BPIFC: variants seen among roughly 807,000 people sequenced by gnomAD.
BPIFC encodes BPI fold containing family C, also known as BPI fold-containing family C protein.
In BPIFC, 60 loss-of-function variants were observed where a neutral mutation model predicts 57.6. That is an observed-to-expected ratio of 1.04 (90% CI 0.85 to 1.29). BPIFC has a LOEUF of 1.29. BPIFC is among the 50% of genes most tolerant of loss of function. BPIFC has a pLI of 0.00. For synonymous variants in BPIFC, 243 were observed against 224.5 expected, an observed-to-expected ratio of 1.08 and a Z score of -0.74; for missense variants, 581 against 600.5, an observed-to-expected ratio of 0.97 and a Z score of 0.34.
Position 32,452,663 on chromosome 22 carries a change from A to G in BPIFC, c.245+720T>C, listed in dbSNP as rs114560145. On this transcript the variant is annotated intron_variant, in intron 4 of 16. Transcript: ENST00000300399. ...AAAAAAAAAAAAAACACAAAAAACA[A>G]AAAACCTCTTGGTTTTATAGAATAT... 2.9e-3 allele frequency among the ~76,000 whole-genome samples: 437 copies of G among 152,150 alleles called. 3 individuals are homozygous for G. Among genetic ancestry groups the G allele is most frequent in the African/African-American group, 0.01 (417 of 41,520 alleles).
At chr22:32,441,492 G>A (rs897764876) in intron 8 of BPIFC, among the ~76,000 whole-genome samples, 1 of 152,248 alleles carries the variant, frequency 6.6e-6, no homozygotes. Flanking sequence ...GGTGCTCAGC[G>A]CGCCATTGGT....
intron 7 of BPIFC, among the ~76,000 whole-genome samples, chr22:32,444,947 A>G (rs1364485117): frequency 6.6e-6 from 1 of 152,176 alleles, no homozygotes; most frequent in East Asian, 1.9e-4. Flanking sequence ...TGAATACACA[A>G]GTGTATCCCT....
At chr22:32,436,143 A>C (rs576228781) in intron 9 of BPIFC, among the ~76,000 whole-genome samples, 1 of 151,834 alleles carries the variant, frequency 6.6e-6, no homozygotes, top group South Asian at 2.1e-4. Context: ...AAAATACAAA[A>C]ATTAGCCAGG....
In BPIFC at chr22:32,461,628, C is replaced by T; in HGVS notation, c.-55G>A. 1.0e-6 allele frequency: 1 copy of T among 985,538 alleles called. No individual in the cohort carries two copies. The highest frequency in any genetic ancestry group is 1.2e-6 in the Non-Finnish European group (1 of 830,062). The allele number at this position is 985,538 out of a possible 1,614,324, so 61.0% of individuals were successfully genotyped here. A position where few individuals can be genotyped will look rare whatever the true frequency, so the allele number is the denominator to read the frequency against. On this transcript the variant is annotated 5_prime_UTR_variant, in exon 2 of 17. Transcript: ENST00000300399. ...TCTGCTGTGCTGGGCCTTTCTTGAT[C>T]CTTTAGTTGCCCTTGGAGGTTAGTC... is the stretch of plus-strand genomic sequence containing the variant.
rs189017258 is a variant in BPIFC at position 32,419,038 on chromosome 22, A to G, written c.1260+324T>C. Among the ~76,000 whole-genome samples the G allele has an allele frequency of 4.1e-3, 626 of 152,318 alleles. 4 individuals carry two copies. Among genetic ancestry groups the G allele is most frequent in the African/African-American group, 0.015 (603 of 41,562 alleles). On this transcript the variant is annotated intron_variant, in intron 14 of 16. Coordinates refer to ENST00000300399, the MANE Select transcript of BPIFC (RefSeq NM_174932.3). ...ATATGTAACTCTATATGTCTCGTCT[A>G]TAACTCTAGAGGATTATTTTATTGA...
intron 13 of BPIFC, among the ~76,000 whole-genome samples, chr22:32,426,477 C>G (rs962691008): frequency 6.6e-6 from 1 of 152,164 alleles, no homozygotes; most frequent in Non-Finnish European, 1.5e-5. Context: ...GAGGCCCAGC[C>G]CACCTGCCTT....
chr22:32,454,588 T>A (rs142571526), intron 3 of BPIFC, among the ~76,000 whole-genome samples: 86 of 152,338 alleles, frequency 5.6e-4, no homozygotes, highest in Non-Finnish European at 8.8e-4. Flanking sequence ...GAACATTTAC[T>A]TTCACCCTTT....
chr22:32,447,226 G>A lies in BPIFC; in HGVS notation c.360C>T (p.Phe120=), dbSNP rs761853028. The A allele has an allele frequency of 1.7e-5, 28 of 1,604,904 alleles. No individual in the cohort carries two copies. Among genetic ancestry groups the A allele is most frequent in the Admixed American group, 5.1e-5 (3 of 58,338 alleles). ...GTANISTDWG[F]ESPLFQDTGG... ...GGAATACTCACAAAAGTGGAGACTC[G>A]AACCCCCAGTCTGTGCTGATGTTGG... The change falls in exon 5 of 17, where the codon TTC becomes TTT. Residue 120 remains phenylalanine (F), a synonymous_variant. Coordinates refer to ENST00000300399, the MANE Select transcript of BPIFC (RefSeq NM_174932.3).
intron 8 of BPIFC, among the ~76,000 whole-genome samples, chr22:32,438,817 CT>C (rs548028434): frequency 0.01 from 1,467 of 146,632 alleles, 27 homozygotes; most frequent in African/African-American, 0.032. Flanking sequence ...GCAGTTAGAA[CT>C]TTTTTTTTTT....
intron 16 of BPIFC, among the ~76,000 whole-genome samples, chr22:32,415,662 A>G (rs568910325): frequency 6.5e-4 from 99 of 152,324 alleles, no homozygotes; most frequent in Admixed American, 1.1e-3. Context: ...AAAGCGTGCT[A>G]AGGGGCATCT....
chr22:32,444,618 T>A (rs747404179), intron 7 of BPIFC, among the ~76,000 whole-genome samples: 5 of 152,234 alleles, frequency 3.3e-5, no homozygotes, highest in Non-Finnish European at 5.9e-5. Context: ...CTTCAGACAC[T>A]GACTTCTGAG....
Position 32,453,458 on chromosome 22 carries a change from T to G in BPIFC, c.170A>C (p.Lys57Thr). The change falls in exon 4 of 17, where the codon AAG becomes ACG. Residue 57 changes from lysine to threonine, a missense_variant. Transcript: ENST00000300399. Reference sequence around the variant, plus strand: ...AGAACCGCTTAAATCTGGGAGTTTCTTTTCTTTTAGCATTTGCTCAATCAT... The same window carrying G: ...AGAACCGCTTAAATCTGGGAGTTTCGTTTCTTTTAGCATTTGCTCAATCAT... ...MKMIEQMLKE[K>T]KLPDLSGSES... is the part of the protein sequence containing the mutation. The G allele has an allele frequency of 6.2e-7, 1 of 1,606,754 alleles. No homozygotes were observed. Among genetic ancestry groups the G allele is most frequent in the Non-Finnish European group, 8.5e-7 (1 of 1,178,320 alleles).
At chr22:32,451,717 T>G (rs1934900711) in intron 4 of BPIFC, among the ~76,000 whole-genome samples, 1 of 151,898 alleles carries the variant, frequency 6.6e-6, no homozygotes, top group South Asian at 2.1e-4. Context: ...ATAAATAAAT[T>G]TTTAAAAAAA....
rs1933908386 is a variant in BPIFC, at chr22:32,423,577, G to GT, written c.1218-4174_1218-4173insA. Among the ~76,000 whole-genome samples the GT allele has an allele frequency of 1.8e-3, 252 of 143,256 alleles. 1 individual carries two copies. The highest frequency in any genetic ancestry group is 0.011 in the Middle Eastern group (3 of 284). The allele number at this position is 143,256 out of a possible 152,430, so 94.0% of individuals were successfully genotyped here. A position where few individuals can be genotyped will look rare whatever the true frequency, so the allele number is the denominator to read the frequency against. ...TGCTTGGGAGGAGTTGTAGGGTGTG[G>GT]GTGTGTGTGTGTGTGTGTGTGTGTG... On this transcript the variant is annotated intron_variant, in intron 13 of 16. Transcript: ENST00000300399.
At chr22:32,450,933 T>A (rs1260434823) in intron 4 of BPIFC, among the ~76,000 whole-genome samples, 1 of 152,202 alleles carries the variant, frequency 6.6e-6, no homozygotes, top group Non-Finnish European at 1.5e-5. Flanking sequence ...AAAGTAAACT[T>A]ACAAAATTGT....
At chr22:32,445,319 C>G (rs765970599) in intron 7 of BPIFC, among the ~76,000 whole-genome samples, 9 of 152,110 alleles carry the variant, frequency 5.9e-5, no homozygotes, top group African/African-American at 2.2e-4. Flanking sequence ...GCGCGGATCA[C>G]GAGTTCAGGA....
Position 32,442,541 on chromosome 22 carries a change from G to A in BPIFC, c.655+130C>T, listed in dbSNP as rs540700892. 1.7e-5 allele frequency: 15 copies of A among 868,710 alleles called. No homozygotes were observed. The African/African-American group carries it at 2.5e-4, about 15-fold the overall frequency. 53.8% of individuals were successfully genotyped at this position (868,710 alleles called of 1,614,324 possible). A position where few individuals can be genotyped will look rare whatever the true frequency, so the allele number is the denominator to read the frequency against. On this transcript the variant is annotated intron_variant, in intron 8 of 16. Transcript: ENST00000300399. ...CACATCCTCCCAAGCACCTTCCCGGGGCTCTAATTTGCAGAATATGAAGCA... is the reference window on the plus strand; with the variant it reads ...CACATCCTCCCAAGCACCTTCCCGGAGCTCTAATTTGCAGAATATGAAGCA...
chr22:32,446,755 C>T (rs1055781688), intron 5 of BPIFC: 21 of 985,282 alleles, frequency 2.1e-5, no homozygotes, highest in Non-Finnish European at 2.4e-5. Flanking sequence ...CCTCCTTCTA[C>T]ACGAGGGTGC....
chr22:32,419,967 A>C (rs1458198145), intron 13 of BPIFC, among the ~76,000 whole-genome samples: 4 of 152,106 alleles, frequency 2.6e-5, no homozygotes, highest in Non-Finnish European at 5.9e-5. Context: ...TGGGTTCCCC[A>C]AGGGCGTTTG....
Sources: gnomAD v4.1 joint callset for allele counts (sites outside exome capture counted in the v4.1 genomes callset) on GRCh38, gnomAD v4.1.1 for gene constraint, MANE v1.5 for transcripts, NCBI Gene and HGNC (gene_info 2026-07-23, HGNC 2026-07-21) for gene names.